Variants in HS6ST3 observed in about 807,000 individuals in gnomAD.
HS6ST3 encodes the protein heparan-sulfate 6-O-sulfotransferase 3.
In HS6ST3, 12 loss-of-function variants were observed where a neutral mutation model predicts 36.7. That is an observed-to-expected ratio of 0.33 (90% confidence interval 0.21 to 0.53). HS6ST3 has a LOEUF of 0.53. Among genes scored for constraint, HS6ST3 ranks in the 20% least tolerant of loss-of-function variants. The pLI, the probability that HS6ST3 is intolerant of heterozygous loss-of-function variation, is 0.95. For missense variants in HS6ST3, 584 were observed against 640.9 expected, an observed-to-expected ratio of 0.91 and a Z score of 0.96; for synonymous variants, 240 against 257.5, an observed-to-expected ratio of 0.93 and a Z score of 0.65.
At chr13:96,328,707 GGGAGGATT>G (rs1203742694) in intron 1 of HS6ST3, among the ~76,000 whole-genome samples, 5 of 152,120 alleles carry the variant, frequency 3.3e-5, no homozygotes, top group Non-Finnish European at 7.3e-5. Context: ...AAATGAGTTA[GGGAGGATT>G]CCCTCTTTTT....
At chr13:96,496,472 C>T (rs2055976299) in intron 1 of HS6ST3, among the ~76,000 whole-genome samples, 1 of 152,128 alleles carries the variant, frequency 6.6e-6, no homozygotes, top group Non-Finnish European at 1.5e-5. Context: ...CATTCTAGGT[C>T]TTCCTTCCTC....
chr13:96,112,578 A>ATATACAT (rs879788192), intron 1 of HS6ST3, among the ~76,000 whole-genome samples: 1 of 81,224 alleles, frequency 1.2e-5, no homozygotes, highest in Non-Finnish European at 2.3e-5. Context: ...AAAATAAATA[A>ATATACAT]ATATATATAT....
At chr13:96,644,738 T>C (rs892659186) in intron 1 of HS6ST3, among the ~76,000 whole-genome samples, 1 of 151,990 alleles carries the variant, frequency 6.6e-6, no homozygotes, top group African/African-American at 2.4e-5. Flanking sequence ...GGATCAGAAT[T>C]GTCATAGGAG....
chr13:96,624,954 A>T (rs1416888683), intron 1 of HS6ST3, among the ~76,000 whole-genome samples: 1 of 152,296 alleles, frequency 6.6e-6, no homozygotes, highest in Middle Eastern at 3.4e-3. Flanking sequence ...TCATGGCTTC[A>T]TTCACTCAGG....
At chr13:96,170,587 T>C (rs117215715) in intron 1 of HS6ST3, among the ~76,000 whole-genome samples, 6 of 152,260 alleles carry the variant, frequency 3.9e-5, no homozygotes, top group African/African-American at 1.2e-4. Context: ...GGTTTTTTTT[T>C]CAAAAGCTAA....
At chr13:96,372,537 T>C (rs1217582068) in intron 1 of HS6ST3, among the ~76,000 whole-genome samples, 2 of 152,150 alleles carry the variant, frequency 1.3e-5, no homozygotes, top group African/African-American at 4.8e-5. Flanking sequence ...TTTGGTGTCA[T>C]ATCCAAAAAA....
chr13:96,223,627 C>A lies in HS6ST3; in HGVS notation c.707+132058C>A, dbSNP rs555698705. 4.0e-5 allele frequency among the ~76,000 whole-genome samples: 6 copies of A among 151,762 alleles called. No homozygotes were observed. In the East Asian group the frequency reaches 1.2e-3, roughly 29 times the overall value. On this transcript the variant is annotated intron_variant, in intron 1 of 1. Transcript: ENST00000376705. Reference sequence around the variant, plus strand: ...ACTTTGTGGTGATACAAAATAACCCCTTGAATGTCCTTTCTGGAATGGATA... The same window carrying A: ...ACTTTGTGGTGATACAAAATAACCCATTGAATGTCCTTTCTGGAATGGATA...
intron 1 of HS6ST3, among the ~76,000 whole-genome samples, chr13:96,391,655 G>A (rs1207279789): frequency 1.3e-5 from 2 of 152,172 alleles, no homozygotes; most frequent in Non-Finnish European, 2.9e-5. Context: ...AGGCAAGGAG[G>A]AGCAAGTCAC....
At chr13:96,754,283 A>G (rs1446962960) in intron 1 of HS6ST3, among the ~76,000 whole-genome samples, 1 of 152,124 alleles carries the variant, frequency 6.6e-6, no homozygotes, top group Non-Finnish European at 1.5e-5. Flanking sequence ...CCTCTAATCT[A>G]TTAACATGGT....
intron 1 of HS6ST3, among the ~76,000 whole-genome samples, chr13:96,137,068 A>G (rs2054006056): frequency 1.3e-5 from 2 of 152,122 alleles, no homozygotes; most frequent in South Asian, 2.1e-4. Context: ...CACAATCTCA[A>G]ATATGTAGTA....
At chr13:96,387,144 G>A (rs1489380758) in intron 1 of HS6ST3, among the ~76,000 whole-genome samples, 1 of 152,100 alleles carries the variant, frequency 6.6e-6, no homozygotes, top group East Asian at 1.9e-4. Context: ...GCAATGAAAA[G>A]GAGCCATGAT....
chr13:96,399,907 C>T (rs2055440807), intron 1 of HS6ST3, among the ~76,000 whole-genome samples: 1 of 152,192 alleles, frequency 6.6e-6, no homozygotes, highest in African/African-American at 2.4e-5. Flanking sequence ...AAGTCTTTTC[C>T]TCAGTGATCT....
intron 1 of HS6ST3, among the ~76,000 whole-genome samples, chr13:96,133,815 T>G (rs1426505841): frequency 6.7e-6 from 1 of 149,698 alleles, no homozygotes; most frequent in African/African-American, 2.5e-5. Flanking sequence ...AAAAAATCAT[T>G]GTCCAGAGCA....
intron 1 of HS6ST3, among the ~76,000 whole-genome samples, chr13:96,096,377 T>G (rs553538170): frequency 1.3e-5 from 2 of 152,318 alleles, no homozygotes; most frequent in Admixed American, 1.3e-4. Context: ...GAGGAATGTC[T>G]GGGTAACTAC....
At chr13:96,217,772 G>A (rs2054434318) in intron 1 of HS6ST3, among the ~76,000 whole-genome samples, 1 of 152,136 alleles carries the variant, frequency 6.6e-6, no homozygotes, top group African/African-American at 2.4e-5. Context: ...GACTATGTAT[G>A]TATATAGGTG....
Position 96,669,100 on chromosome 13 carries a change from A to T in HS6ST3, c.708-163390A>T, listed in dbSNP as rs991679542. On this transcript the variant is annotated intron_variant, in intron 1 of 1. Coordinates refer to ENST00000376705, the MANE Select transcript of HS6ST3 (RefSeq NM_153456.4). ...AAAACCTGTTATTTGTGGTAGACCTAAAAGGAAACTTGAAGGGCACTGTGT... is the reference window on the plus strand; with the variant it reads ...AAAACCTGTTATTTGTGGTAGACCTTAAAGGAAACTTGAAGGGCACTGTGT... Among the ~76,000 whole-genome samples the T allele has an allele frequency of 6.6e-5, 10 of 152,284 alleles. No homozygotes were observed. In the East Asian group the frequency reaches 1.7e-3, roughly 27 times the overall value.
Position 96,428,010 on chromosome 13 carries a change from G to T in HS6ST3, c.707+336441G>T, listed in dbSNP as rs368290026. On this transcript the variant is annotated intron_variant, in intron 1 of 1. Transcript: ENST00000376705. ...TCAATATGAGGGGTACATGATGTTG[G>T]TATCTGTGGGGTTCTTTACATAATT... 5.3e-5 allele frequency among the ~76,000 whole-genome samples: 8 copies of T among 152,232 alleles called. No individual in the cohort carries two copies. The East Asian group carries it at 1.5e-3, about 29-fold the overall frequency.
chr13:96,671,227 G>C (rs912917300), intron 1 of HS6ST3, among the ~76,000 whole-genome samples: 12 of 152,076 alleles, frequency 7.9e-5, no homozygotes, highest in Admixed American at 2.6e-4. Flanking sequence ...TTTGTGTACA[G>C]GCTTGGATGC....
intron 1 of HS6ST3, among the ~76,000 whole-genome samples, chr13:96,380,078 C>T (rs1594767194): frequency 6.6e-6 from 1 of 152,228 alleles, no homozygotes; most frequent in East Asian, 1.9e-4. Flanking sequence ...TTTCCACATC[C>T]TTGATAGGTA....
Sources: allele counts gnomAD v4.1 joint callset (sites outside exome capture counted in the v4.1 genomes callset), GRCh38; gene constraint gnomAD v4.1.1; transcripts MANE v1.5; gene names NCBI Gene and HGNC (gene_info 2026-07-23, HGNC 2026-07-21).